SGCZ: variants seen among roughly 807,000 people sequenced by gnomAD.
SGCZ encodes zeta-sarcoglycan.
A neutral mutation model predicts 41.3 loss-of-function variants in SGCZ; 40 were observed. That is an observed-to-expected ratio of 0.97 (90% confidence interval 0.75 to 1.26). The LOEUF (loss-of-function observed/expected upper bound fraction) is 1.26. Among genes scored for constraint, SGCZ ranks in the 50% most tolerant of loss-of-function variants. The pLI, the probability that SGCZ is intolerant of heterozygous loss-of-function variation, is 0.00. For synonymous variants in SGCZ, 206 were observed against 137.5 expected, an observed-to-expected ratio of 1.50 and a Z score of -3.49; for missense variants, 552 against 369.8, an observed-to-expected ratio of 1.49 and a Z score of -4.04.
rs1180737225 is a variant in SGCZ at position 15,162,064 on chromosome 8, T to C, written c.39+75521A>G. On this transcript the variant is annotated intron_variant, in intron 1 of 7. Transcript: ENST00000382080. The stretch of plus-strand genomic sequence containing the variant: ...ACTATATGCCTATAGAGATTTACTG[T>C]AAACAGAATCAGTTTCTTAAAGAAT... Among the ~76,000 whole-genome samples, 4 of 152,178 alleles carry C rather than the reference T, an allele frequency of 2.6e-5. No homozygotes were observed. In the East Asian group the frequency reaches 5.8e-4, roughly 22 times the overall value.
intron 7 of SGCZ, among the ~76,000 whole-genome samples, chr8:14,094,916 T>G (rs909158202): frequency 1.3e-5 from 2 of 152,216 alleles, no homozygotes; most frequent in South Asian, 4.1e-4. Context: ...ATGTGTTTGT[T>G]GGCTGCATAA....
chr8:14,892,364 G>C (rs1209545533), intron 1 of SGCZ, among the ~76,000 whole-genome samples: 2 of 152,118 alleles, frequency 1.3e-5, no homozygotes, highest in Admixed American at 6.6e-5. Context: ...GTAAATGTGA[G>C]CTTACTGCAC....
At chr8:14,571,221 A>G (rs1044278081) in intron 1 of SGCZ, among the ~76,000 whole-genome samples, 5 of 151,968 alleles carry the variant, frequency 3.3e-5, no homozygotes, top group African/African-American at 9.7e-5. Context: ...AGCAGATCTC[A>G]TGATTACAGC....
chr8:14,270,459 C>T (rs1371074399), intron 3 of SGCZ, among the ~76,000 whole-genome samples: 7 of 152,142 alleles, frequency 4.6e-5, no homozygotes, highest in Middle Eastern at 6.8e-3. Context: ...TAAAATGAAC[C>T]GATACGGCTT....
At chr8:14,296,599 C>T (rs1801020072) in intron 3 of SGCZ, among the ~76,000 whole-genome samples, 1 of 152,048 alleles carries the variant, frequency 6.6e-6, no homozygotes, top group Non-Finnish European at 1.5e-5. Flanking sequence ...TAAAACTATA[C>T]TATTGGAAGG....
At chr8:15,018,877 T>A (rs1014824409) in intron 1 of SGCZ, among the ~76,000 whole-genome samples, 1 of 152,120 alleles carries the variant, frequency 6.6e-6, no homozygotes, top group African/African-American at 2.4e-5. Context: ...CTTACAATCA[T>A]GGTGGAAGGC....
At chr8:14,282,873 G>A (rs528179682) in intron 3 of SGCZ, among the ~76,000 whole-genome samples, 62 of 42,520 alleles carry the variant, frequency 1.5e-3, no homozygotes, top group Non-Finnish European at 2.4e-3. Context: ...TTTTTGAGAC[G>A]GAGTCTCACT....
chr8:14,724,399 A>G (rs1410399892), intron 1 of SGCZ, among the ~76,000 whole-genome samples: 6 of 151,956 alleles, frequency 3.9e-5, no homozygotes, highest in Non-Finnish European at 1.5e-5. Flanking sequence ...ATAACATGAT[A>G]GCCTCTACTG....
At chr8:14,575,596 A>G (rs935679360) in intron 1 of SGCZ, among the ~76,000 whole-genome samples, 3 of 152,180 alleles carry the variant, frequency 2.0e-5, no homozygotes, top group African/African-American at 4.8e-5. Flanking sequence ...AAAGAGTGGA[A>G]CAACACAGAG....
chr8:14,516,560 CT>C (rs1402675528), intron 2 of SGCZ, among the ~76,000 whole-genome samples: 1 of 151,996 alleles, frequency 6.6e-6, no homozygotes, highest in Non-Finnish European at 1.5e-5. Context: ...TGACCTGTTT[CT>C]TTTCACAAAC....
At chr8:14,779,677 T>C (rs562759062) in intron 1 of SGCZ, among the ~76,000 whole-genome samples, 63 of 152,178 alleles carry the variant, frequency 4.1e-4, no homozygotes, top group Non-Finnish European at 4.4e-4. Context: ...AGGTATTACA[T>C]AGAACTTTAG....
rs139910762 is a variant in SGCZ, at chr8:15,133,149, T to TATAAATAA, written c.39+104428_39+104435dup. Among the ~76,000 whole-genome samples the TATAAATAA allele has an allele frequency of 5.6e-3, 843 of 151,302 alleles. 9 individuals are homozygous for TATAAATAA. Among genetic ancestry groups the TATAAATAA allele is most frequent in the African/African-American group, 0.017 (684 of 41,108 alleles). ...CAGAGTGATACCCTGTCTCAAAATATATAAATAAATAAATAAATAAATAAG... is the reference window on the plus strand; with the variant it reads ...CAGAGTGATACCCTGTCTCAAAATATATAAATAAATAAATAAATAAATAAATAAATAAG... On this transcript the variant is annotated intron_variant, in intron 1 of 7. Coordinates refer to ENST00000382080, the MANE Select transcript of SGCZ (RefSeq NM_139167.4).
intron 5 of SGCZ, among the ~76,000 whole-genome samples, chr8:14,112,781 A>G (rs1396807465): frequency 6.6e-6 from 1 of 152,156 alleles, no homozygotes; most frequent in Non-Finnish European, 1.5e-5. Flanking sequence ...TAACAGAATT[A>G]TACGATTATT....
chr8:14,112,294 T>A (rs987679008), intron 5 of SGCZ, among the ~76,000 whole-genome samples: 1 of 109,126 alleles, frequency 9.2e-6, no homozygotes. Context: ...GGGGGGGGGG[T>A]GCAAAGAAGG....
chr8:14,432,326 T>G (rs1452876496), intron 2 of SGCZ, among the ~76,000 whole-genome samples: 1 of 152,170 alleles, frequency 6.6e-6, no homozygotes, highest in Non-Finnish European at 1.5e-5. Flanking sequence ...GGTACATACA[T>G]ATGATGGAAT....
At chr8:15,069,437 T>C (rs763163355) in intron 1 of SGCZ, among the ~76,000 whole-genome samples, 2 of 152,224 alleles carry the variant, frequency 1.3e-5, no homozygotes, top group Non-Finnish European at 2.9e-5. Context: ...GGTTGTATTT[T>C]CCAAGTGAGT....
intron 5 of SGCZ, among the ~76,000 whole-genome samples, chr8:14,151,942 A>G (rs1263633953): frequency 7.8e-6 from 1 of 127,708 alleles, no homozygotes; most frequent in Non-Finnish European, 2.0e-5. Context: ...TCAACCAAAA[A>G]TATATCATAG....
intron 4 of SGCZ, among the ~76,000 whole-genome samples, chr8:14,231,560 T>C (rs1239822873): frequency 6.6e-6 from 1 of 151,980 alleles, no homozygotes; most frequent in Non-Finnish European, 1.5e-5. Context: ...GTCTAGATTT[T>C]TTTTTTCTGA....
At chr8:15,073,900 C>A (rs551754992) in intron 1 of SGCZ, among the ~76,000 whole-genome samples, 1 of 152,276 alleles carries the variant, frequency 6.6e-6, no homozygotes, top group East Asian at 1.9e-4. Flanking sequence ...GTATGTTTTA[C>A]ATCAACAGCC....
Sources: gnomAD v4.1 joint callset for allele counts (sites outside exome capture counted in the v4.1 genomes callset) on GRCh38, gnomAD v4.1.1 for gene constraint, MANE v1.5 for transcripts, NCBI Gene and HGNC (gene_info 2026-07-23, HGNC 2026-07-21) for gene names.